Variants in EEF2K observed in about 807,000 individuals in gnomAD.
EEF2K encodes eukaryotic elongation factor 2 kinase, also known as alternative protein EEF2K.
A neutral mutation model predicts 93.8 loss-of-function variants in EEF2K; 70 were observed. The ratio of observed to expected loss-of-function variants is 0.75; its 90% confidence interval spans 0.62 to 0.91. The LOEUF (loss-of-function observed/expected upper bound fraction) is 0.91. EEF2K is among the 40% of genes least tolerant of loss of function. The pLI is 0.00. For missense variants in EEF2K, 935 were observed against 972.9 expected (o/e 0.96, Z 0.52); for synonymous variants, 376 against 380.8 (o/e 0.99, Z 0.15).
In EEF2K at chr16:22,265,130, G is replaced by T. The variant is rs1358521470; in HGVS notation, c.1440+250G>T. ...ATCCTGGAGGGGAAATCACCACAGG[G>T]ACAGCTCCTGTCTTAAGTGCCTGCC... On this transcript the variant is annotated intron_variant, in intron 13 of 17. Transcript: ENST00000263026. The T allele has an allele frequency of 1.1e-5, 5 of 442,394 alleles. No homozygotes were observed. In the East Asian group the frequency reaches 1.5e-4, roughly 13 times the overall value. 27.4% of individuals were successfully genotyped at this position (442,394 alleles called of 1,614,324 possible).
At chr16:22,244,604 C>T in intron 2 of EEF2K, 26 bp from the exon 3 acceptor site, 1 of 1,612,946 alleles carries the variant, frequency 6.2e-7, no homozygotes, top group Non-Finnish European at 8.5e-7. Flanking sequence ...GCCTGATGTT[C>T]CTACCTTCTC....
chr16:22,232,003 A>AAC (rs2047120924), intron 2 of EEF2K, among the ~76,000 whole-genome samples: 13 of 149,656 alleles, frequency 8.7e-5, no homozygotes, highest in African/African-American at 3.2e-4. Flanking sequence ...ACAAACAAAA[A>AAC]AAAAAAAAAA....
At chr16:22,251,769 G>T (rs546585879) in intron 6 of EEF2K, among the ~76,000 whole-genome samples, 1 of 151,838 alleles carries the variant, frequency 6.6e-6, no homozygotes, top group South Asian at 2.1e-4. Flanking sequence ...ACTGTTTACT[G>T]AGCATGATGA....
At chr16:22,256,504 G>A (rs1363962939) in intron 6 of EEF2K, among the ~76,000 whole-genome samples, 1 of 152,038 alleles carries the variant, frequency 6.6e-6, no homozygotes, top group Non-Finnish European at 1.5e-5. Flanking sequence ...CAAAGTGCTG[G>A]GATTACAGAT....
intron 2 of EEF2K, among the ~76,000 whole-genome samples, chr16:22,231,870 A>T (rs1463403917): frequency 6.6e-6 from 1 of 151,848 alleles, no homozygotes; most frequent in African/African-American, 2.4e-5. Flanking sequence ...CATGCCTGTA[A>T]TCCCAGCTAC....
intron 2 of EEF2K, among the ~76,000 whole-genome samples, chr16:22,233,038 G>GT (rs1443503477): frequency 5.3e-5 from 8 of 152,198 alleles, no homozygotes; most frequent in Non-Finnish European, 7.3e-5. Flanking sequence ...CCAAGCTCCC[G>GT]TGGAGACGTG....
chr16:22,221,243 T>C (rs1302287063), intron 1 of EEF2K, among the ~76,000 whole-genome samples: 1 of 152,106 alleles, frequency 6.6e-6, no homozygotes, highest in Non-Finnish European at 1.5e-5. Flanking sequence ...TCCTAGTGCT[T>C]TGGGAGGCCA....
chr16:22,277,200 A>T (rs2047646072), intron 16 of EEF2K, among the ~76,000 whole-genome samples: 1 of 152,182 alleles, frequency 6.6e-6, no homozygotes, highest in African/African-American at 2.4e-5. Flanking sequence ...GCGATGGTGT[A>T]ATCATAGCTC....
At chr16:22,268,547 G>T (rs2047546891) in intron 15 of EEF2K, among the ~76,000 whole-genome samples, 1 of 152,022 alleles carries the variant, frequency 6.6e-6, no homozygotes. Flanking sequence ...GCTCACTGTA[G>T]CCTTGACCTC....
chr16:22,230,181 C>T (rs1019568287), intron 2 of EEF2K, among the ~76,000 whole-genome samples: 1 of 152,074 alleles, frequency 6.6e-6, no homozygotes, highest in African/African-American at 2.4e-5. Flanking sequence ...TCACAGAATG[C>T]TGTGTTTACG....
intron 2 of EEF2K, among the ~76,000 whole-genome samples, chr16:22,243,282 C>T (rs1289944262): frequency 6.8e-6 from 1 of 147,702 alleles, no homozygotes; most frequent in Non-Finnish European, 1.5e-5. Context: ...GACAGGGTCT[C>T]CCTCTGTCAC....
chr16:22,209,457 A>T (rs899410325), intron 1 of EEF2K, among the ~76,000 whole-genome samples: 1 of 152,214 alleles, frequency 6.6e-6, no homozygotes, highest in African/African-American at 2.4e-5. Flanking sequence ...AAGGGTGAAC[A>T]GCAGAAGCTT....
intron 16 of EEF2K, among the ~76,000 whole-genome samples, chr16:22,275,728 C>T (rs905518392): frequency 7.3e-5 from 11 of 151,562 alleles, no homozygotes; most frequent in African/African-American, 2.4e-4. Context: ...GCAATCTCCA[C>T]CTCCCAGGTT....
intron 2 of EEF2K, among the ~76,000 whole-genome samples, chr16:22,230,756 T>C (rs947342728): frequency 6.6e-6 from 1 of 152,158 alleles, no homozygotes; most frequent in Non-Finnish European, 1.5e-5. Context: ...AAGATGAAGA[T>C]GATTCTATGT....
intron 1 of EEF2K, among the ~76,000 whole-genome samples, chr16:22,220,675 G>A (rs968107666): frequency 4.6e-5 from 7 of 152,174 alleles, no homozygotes; most frequent in African/African-American, 1.7e-4. Context: ...GAACTCCTGA[G>A]CTCAAGCGAT....
chr16:22,254,920 A>T (rs1206357428), intron 6 of EEF2K, among the ~76,000 whole-genome samples: 8 of 152,020 alleles, frequency 5.3e-5, no homozygotes, highest in Non-Finnish European at 1.0e-4. Context: ...AAAATACAAA[A>T]ATTAGGCAGG....
At chr16:22,260,389 C>T in intron 10 of EEF2K, 73 bp from the exon 11 acceptor site, 1 of 1,568,128 alleles carries the variant, frequency 6.4e-7, no homozygotes, top group Non-Finnish European at 8.8e-7. Context: ...ATGGACCGCC[C>T]TAGGCCGTGG....
chr16:22,266,253 C>A, intron 13 of EEF2K, 137 bp from the exon 14 acceptor site: 1 of 1,309,456 alleles, frequency 7.6e-7, no homozygotes, highest in Non-Finnish European at 1.0e-6. Context: ...CCATGTTTTG[C>A]CAATAAACTT....
chr16:22,263,190 A>G lies in EEF2K; in HGVS notation c.1377+3A>G. 6.2e-7 allele frequency: 1 copy of G among 1,609,678 alleles called. No individual in the cohort carries two copies. The highest frequency in any genetic ancestry group is 2.2e-5 in the East Asian group (1 of 44,738). On this transcript the variant is annotated splice_donor_region_variant and intron_variant, in intron 12 of 17. Coordinates refer to ENST00000263026, the MANE Select transcript of EEF2K (RefSeq NM_013302.5). ...ATGACCCTGAGCCCCGAGAACATGT[A>G]AGGAACCCCCAGGAAATGAGACCGG...
Sources: allele counts gnomAD v4.1 joint callset (sites outside exome capture counted in the v4.1 genomes callset), GRCh38; gene constraint gnomAD v4.1.1; transcripts MANE v1.5; gene names NCBI Gene and HGNC (gene_info 2026-07-23, HGNC 2026-07-21).